Variants in WDR41 observed in about 807,000 individuals in gnomAD.
WDR41 encodes WD repeat domain 41, also known as WD repeat-containing protein 41.
WDR41 carries 63 observed loss-of-function variants against 69.3 expected under a neutral mutation model. That is an observed-to-expected ratio of 0.91 (90% confidence interval 0.74 to 1.12). The LOEUF is 1.12. Ranked by LOEUF, WDR41 falls within the 50% of genes most tolerant of loss-of-function variation. WDR41 has a pLI of 0.00. For missense variants in WDR41, 543 were observed against 534.5 expected, an observed-to-expected ratio of 1.02 and a Z score of -0.16; for synonymous variants, 185 against 192.1, an observed-to-expected ratio of 0.96 and a Z score of 0.31.
chr5:77,471,368 T>A (rs1800599640), intron 2 of WDR41, among the ~76,000 whole-genome samples: 1 of 151,872 alleles, frequency 6.6e-6, no homozygotes, highest in African/African-American at 2.4e-5. Context: ...TTAAAAGAAC[T>A]AGAAAAGCAA....
intron 1 of WDR41, among the ~76,000 whole-genome samples, chr5:77,590,175 C>T (rs752760697): frequency 7.2e-5 from 11 of 152,074 alleles, no homozygotes; most frequent in Non-Finnish European, 1.2e-4. Flanking sequence ...CTGGAATAAA[C>T]CCAACTTGAT....
At chr5:77,433,392 T>C (rs1481931659) in intron 12 of WDR41, 105 bp from the exon 13 acceptor site, 2 of 975,754 alleles carry the variant, frequency 2.0e-6, no homozygotes, top group Non-Finnish European at 2.9e-6. Context: ...AAAGACTCCT[T>C]TGGATCTGGG....
At chr5:77,523,085 A>T (rs1267027691) in intron 1 of WDR41, among the ~76,000 whole-genome samples, 1 of 152,106 alleles carries the variant, frequency 6.6e-6, no homozygotes, top group African/African-American at 2.4e-5. Context: ...AGGCTGAGGC[A>T]GGTGGATCAC....
intron 2 of WDR41, among the ~76,000 whole-genome samples, chr5:77,484,477 C>T (rs960006042): frequency 1.3e-5 from 2 of 151,930 alleles, no homozygotes; most frequent in African/African-American, 2.4e-5. Flanking sequence ...CTAAAGTCAA[C>T]GTCACACTGG....
At chr5:77,572,739 A>G (rs1743754349) in intron 1 of WDR41, among the ~76,000 whole-genome samples, 1 of 152,230 alleles carries the variant, frequency 6.6e-6, no homozygotes, top group African/African-American at 2.4e-5. Context: ...TTTGTCTCAA[A>G]GTGGTCAATT....
chr5:77,440,572 C>A (rs543480451), intron 9 of WDR41, among the ~76,000 whole-genome samples: 8 of 152,108 alleles, frequency 5.3e-5, no homozygotes, highest in African/African-American at 1.7e-4. Context: ...TTAATCCAAC[C>A]CAAAATTTCA....
At chr5:77,516,564 GT>G (rs1802294073) in intron 1 of WDR41, among the ~76,000 whole-genome samples, 1 of 142,596 alleles carries the variant, frequency 7.0e-6, no homozygotes, top group Non-Finnish European at 1.5e-5. Flanking sequence ...GTCCAGGGCT[GT>G]TTTAGCACCC....
chr5:77,442,894 C>CAA lies in WDR41; in HGVS notation c.698-1899_698-1898dup, dbSNP rs60442242. The stretch of plus-strand genomic sequence containing the variant: ...GCGACAGAGCGAGACTCTGTCTCCC[C>CAA]AAAAAAAAAAAAAAAAAAAGGATTT... On this transcript the variant is annotated intron_variant, in intron 8 of 12. Coordinates refer to ENST00000296679, the MANE Select transcript of WDR41 (RefSeq NM_018268.4). Among the ~76,000 whole-genome samples, 89 of 56,200 alleles carry CAA rather than the reference C, an allele frequency of 1.6e-3. 3 individuals are homozygous for CAA. The highest frequency in any genetic ancestry group is 5.2e-3 in the African/African-American group (52 of 9,936). The allele number at this position is 56,200 out of a possible 152,430, so 36.9% of individuals were successfully genotyped here. A position where few individuals can be genotyped will look rare whatever the true frequency, so the allele number is the denominator to read the frequency against.
intron 1 of WDR41, among the ~76,000 whole-genome samples, chr5:77,548,885 C>T (rs1743247529): frequency 6.6e-6 from 1 of 152,016 alleles, no homozygotes; most frequent in Non-Finnish European, 1.5e-5. Flanking sequence ...ACCCAAATGC[C>T]CATCAGTCAA....
chr5:77,496,983 C>G (rs970227023), upstream of WDR41, among the ~76,000 whole-genome samples: 1 of 152,080 alleles, frequency 6.6e-6, no homozygotes, highest in East Asian at 1.9e-4. Context: ...TGTACTAAGA[C>G]CATCCAATGG....
chr5:77,588,145 T>A (rs1247145830), intron 1 of WDR41, among the ~76,000 whole-genome samples: 1 of 152,200 alleles, frequency 6.6e-6, no homozygotes, highest in Non-Finnish European at 1.5e-5. Flanking sequence ...TTTTCCTTAT[T>A]GATGGTTAGT....
intron 1 of WDR41, among the ~76,000 whole-genome samples, chr5:77,555,812 A>G (rs1182730486): frequency 1.3e-5 from 2 of 152,234 alleles, no homozygotes; most frequent in East Asian, 1.9e-4. Flanking sequence ...TAAAGATTCA[A>G]TACTATTTCA....
intron 1 of WDR41, among the ~76,000 whole-genome samples, chr5:77,583,978 G>A (rs1433173693): frequency 3.9e-5 from 6 of 152,102 alleles, no homozygotes; most frequent in African/African-American, 1.4e-4. Flanking sequence ...CATATCATTA[G>A]AATAAAAAAC....
chr5:77,504,281 G>T (rs1417164609), intron 1 of WDR41, among the ~76,000 whole-genome samples: 8 of 152,102 alleles, frequency 5.3e-5, no homozygotes, highest in Non-Finnish European at 8.8e-5. Context: ...TAGAAGAAAT[G>T]GATAAATTCC....
chr5:77,507,587 C>G (rs912851783), intron 1 of WDR41, among the ~76,000 whole-genome samples: 1 of 152,146 alleles, frequency 6.6e-6, no homozygotes. Flanking sequence ...TCATTATACT[C>G]TCGATATAAG....
At chr5:77,608,382 G>A (rs980988073) in intron 1 of WDR41, among the ~76,000 whole-genome samples, 2 of 152,152 alleles carry the variant, frequency 1.3e-5, no homozygotes, top group African/African-American at 4.8e-5. Context: ...CATGCCTCCT[G>A]ATGTGAATCT....
At chr5:77,513,251 T>C (rs1802236663) in intron 1 of WDR41, among the ~76,000 whole-genome samples, 1 of 152,102 alleles carries the variant, frequency 6.6e-6, no homozygotes, top group Admixed American at 6.6e-5. Flanking sequence ...GATTTTAGAG[T>C]CTTATTACTG....
At chr5:77,532,369 C>T (rs1802539950) in intron 1 of WDR41, among the ~76,000 whole-genome samples, 1 of 152,050 alleles carries the variant, frequency 6.6e-6, no homozygotes, top group Admixed American at 6.6e-5. Context: ...ATTAATACAA[C>T]CACTTTGGAA....
chr5:77,489,983 T>C (rs1581766314), intron 1 of WDR41, among the ~76,000 whole-genome samples: 1 of 152,262 alleles, frequency 6.6e-6, no homozygotes, highest in African/African-American at 2.4e-5. Flanking sequence ...CATAAAATAG[T>C]GAAACAGTGC....
Sources: allele counts gnomAD v4.1 joint callset (sites outside exome capture counted in the v4.1 genomes callset), GRCh38; gene constraint gnomAD v4.1.1; transcripts MANE v1.5; gene names NCBI Gene and HGNC (gene_info 2026-07-23, HGNC 2026-07-21).